IQGAP2: variants seen among roughly 807,000 people sequenced by gnomAD.
IQGAP2 encodes the protein ras GTPase-activating-like protein IQGAP2.
IQGAP2 carries 173 observed loss-of-function variants against 201.3 expected under a neutral mutation model. That is an observed-to-expected ratio of 0.86 (90% confidence interval 0.76 to 0.98). The LOEUF (loss-of-function observed/expected upper bound fraction) is 0.98. IQGAP2 is among the 50% of genes least tolerant of loss of function. The pLI is 0.00. For missense variants in IQGAP2, 1,687 were observed against 1,864.8 expected, an observed-to-expected ratio of 0.90 and a Z score of 1.76; for synonymous variants, 675 against 673.9, an observed-to-expected ratio of 1.00 and a Z score of -0.03.
intron 13 of IQGAP2, among the ~76,000 whole-genome samples, chr5:76,621,241 G>A (rs1749640545): frequency 6.6e-6 from 1 of 152,178 alleles, no homozygotes; most frequent in South Asian, 2.1e-4. Context: ...ACGTAAACCT[G>A]AGATTGCACA....
At chr5:76,475,531 C>T (rs892178786) in intron 2 of IQGAP2, among the ~76,000 whole-genome samples, 8 of 152,140 alleles carry the variant, frequency 5.3e-5, no homozygotes, top group African/African-American at 1.7e-4. Context: ...TACCAAAGAT[C>T]GAGACCCACC....
chr5:76,427,653 G>A (rs550190116), intron 1 of IQGAP2, among the ~76,000 whole-genome samples: 2 of 152,296 alleles, frequency 1.3e-5, no homozygotes, highest in South Asian at 2.1e-4. Flanking sequence ...TGAGGATTTG[G>A]TGAAATTGCA....
intron 20 of IQGAP2, among the ~76,000 whole-genome samples, chr5:76,656,637 G>GTT (rs920936416): frequency 6.7e-6 from 1 of 150,232 alleles, no homozygotes; most frequent in Non-Finnish European, 1.5e-5. Flanking sequence ...CAGGTAAAGT[G>GTT]TTTTTTTTTA....
chr5:76,672,901 G>A (rs1453827287), intron 24 of IQGAP2, among the ~76,000 whole-genome samples: 1 of 143,416 alleles, frequency 7.0e-6, no homozygotes, highest in East Asian at 2.1e-4. Flanking sequence ...TCTGGGGACT[G>A]TTGTGGGATT....
Position 76,661,764 on chromosome 5 carries a change from G to T in IQGAP2, c.2529+3097G>T, listed in dbSNP as rs569212918. On this transcript the variant is annotated intron_variant, in intron 21 of 35. Transcript: ENST00000274364. ...AGGTTAACCTGTGTAGGTTTACCAA[G>T]CTAATTATACTCTGCAGATACCCAT... Among the ~76,000 whole-genome samples, 7 of 152,304 alleles carry T rather than the reference G, an allele frequency of 4.6e-5. No individual in the cohort carries two copies. In the East Asian group the frequency reaches 1.4e-3, roughly 29 times the overall value.
At chr5:76,554,023 T>G (rs1456711171) in intron 2 of IQGAP2, among the ~76,000 whole-genome samples, 1 of 152,216 alleles carries the variant, frequency 6.6e-6, no homozygotes, top group African/African-American at 2.4e-5. Flanking sequence ...ACATATAGAT[T>G]GGACTAGAAT....
At chr5:76,552,563 G>A (rs1156844195) in intron 2 of IQGAP2, among the ~76,000 whole-genome samples, 2 of 152,162 alleles carry the variant, frequency 1.3e-5, no homozygotes, top group African/African-American at 2.4e-5. Flanking sequence ...GAATATCCAA[G>A]GTTGTCACTT....
chr5:76,512,940 A>G (rs1758070963), intron 2 of IQGAP2, among the ~76,000 whole-genome samples: 1 of 152,188 alleles, frequency 6.6e-6, no homozygotes, highest in South Asian at 2.1e-4. Context: ...CTGTAATCCC[A>G]GCTACTCAGG....
chr5:76,536,961 A>C (rs1759664370), intron 2 of IQGAP2, among the ~76,000 whole-genome samples: 1 of 152,206 alleles, frequency 6.6e-6, no homozygotes, highest in Admixed American at 6.5e-5. Context: ...AGGGAAGAAT[A>C]GTGGCTGTGG....
At chr5:76,452,762 C>T (rs1414055469) in intron 1 of IQGAP2, among the ~76,000 whole-genome samples, 8 of 152,120 alleles carry the variant, frequency 5.3e-5, no homozygotes, top group Admixed American at 5.2e-4. Context: ...GTAGAAAGAT[C>T]ATGAACTTTG....
chr5:76,588,580 T>C (rs1413460721), intron 5 of IQGAP2, among the ~76,000 whole-genome samples: 1 of 152,224 alleles, frequency 6.6e-6, no homozygotes, highest in Non-Finnish European at 1.5e-5. Context: ...AAGAAATGTT[T>C]ATTGCATTTG....
chr5:76,693,397 G>GA lies in IQGAP2; in HGVS notation c.3950dup (p.Asn1317LysfsTer40), dbSNP rs765194678. 9.3e-6 allele frequency: 15 copies of GA among 1,613,768 alleles called. No individual in the cohort carries two copies. In the East Asian group the frequency reaches 3.3e-4, roughly 36 times the overall value. ...TTGATGTGATCCGGAACCAGCCAGGGAACACATTGACAGAAATCTTAGAGA... is the reference window on the plus strand; with the variant it reads ...TTGATGTGATCCGGAACCAGCCAGGGAAACACATTGACAGAAATCTTAGAGA... On this transcript the variant is annotated frameshift_variant, in exon 31 of 36. Transcript: ENST00000274364. LOFTEE classifies it high-confidence loss of function.
rs1217328160 is a variant in IQGAP2 at position 76,428,148 on chromosome 5, C to G, written c.46+24557C>G. Among the ~76,000 whole-genome samples the G allele has an allele frequency of 2.0e-5, 3 of 152,188 alleles. No homozygotes were observed. The East Asian group carries it at 5.8e-4, about 29-fold the overall frequency. ...TGGGTGTGGTTTGAGCAGAGACTCA[C>G]AGAGGAGCGCCAGCCCCTCAGAAGG... On this transcript the variant is annotated intron_variant, in intron 1 of 35. Transcript: ENST00000274364.
chr5:76,677,161 G>A, intron 27 of IQGAP2, 57 bp from the exon 28 acceptor site: 1 of 1,521,558 alleles, frequency 6.6e-7, no homozygotes, highest in Non-Finnish European at 8.9e-7. Flanking sequence ...CTATTTTGAT[G>A]AAACTGTTTA....
intron 17 of IQGAP2, 88 bp from the exon 18 acceptor site, chr5:76,652,662 C>T (rs1018802728): frequency 1.4e-5 from 13 of 918,186 alleles, no homozygotes; most frequent in African/African-American, 6.5e-5. Context: ...CAGCTCCATG[C>T]GGCCTGAGAT....
intron 1 of IQGAP2, among the ~76,000 whole-genome samples, chr5:76,413,139 T>C (rs979432086): frequency 2.6e-5 from 4 of 150,958 alleles, no homozygotes; most frequent in Non-Finnish European, 5.9e-5. Flanking sequence ...CCTATTTTCT[T>C]TTTTCTTTTC....
At chr5:76,592,574 A>G (rs1746736027) in intron 8 of IQGAP2, among the ~76,000 whole-genome samples, 1 of 152,184 alleles carries the variant, frequency 6.6e-6, no homozygotes, top group Non-Finnish European at 1.5e-5. Context: ...AAAAAAGGGC[A>G]ATACCAAGTG....
chr5:76,618,630 T>C, intron 13 of IQGAP2: 1 of 1,610,984 alleles, frequency 6.2e-7, no homozygotes, highest in Non-Finnish European at 8.5e-7. Context: ...GTTGTTTGTA[T>C]CATTTTCCAT....
intron 2 of IQGAP2, among the ~76,000 whole-genome samples, chr5:76,542,787 C>G (rs1250363028): frequency 6.6e-6 from 1 of 152,172 alleles, no homozygotes; most frequent in Non-Finnish European, 1.5e-5. Flanking sequence ...TAGATACACC[C>G]TTTTAGCTCT....
Sources: gnomAD v4.1 joint callset for allele counts (sites outside exome capture counted in the v4.1 genomes callset) on GRCh38, gnomAD v4.1.1 for gene constraint, MANE v1.5 for transcripts, NCBI Gene and HGNC (gene_info 2026-07-23, HGNC 2026-07-21) for gene names.